Variants in ZFPM2 observed in about 807,000 individuals in gnomAD.
The protein encoded by ZFPM2 is zinc finger protein ZFPM2.
ZFPM2 carries 20 observed loss-of-function variants against 98.6 expected under a neutral mutation model. That is an observed-to-expected ratio of 0.20 (90% CI 0.14 to 0.29). The LOEUF (loss-of-function observed/expected upper bound fraction) is 0.29. ZFPM2 is among the 10% of genes least tolerant of loss of function. ZFPM2 has a pLI of 1.00. For missense variants in ZFPM2, 1,310 were observed against 1,388.6 expected (o/e 0.94, Z 0.90); for synonymous variants, 518 against 502.7 (o/e 1.03, Z -0.41).
intron 1 of ZFPM2, among the ~76,000 whole-genome samples, chr8:105,330,613 C>T (rs71506365): frequency 0.47 from 42,146 of 89,788 alleles, 8,511 homozygotes; most frequent in East Asian, 0.7. Context: ...TATATATACA[C>T]ATATATATAT....
At chr8:105,640,700 C>G (rs1409890799) in intron 5 of ZFPM2, among the ~76,000 whole-genome samples, 8 of 151,954 alleles carry the variant, frequency 5.3e-5, no homozygotes. Context: ...GAACCATGTT[C>G]CACCTTAAAA....
chr8:105,508,595 T>C (rs572032793), intron 3 of ZFPM2, among the ~76,000 whole-genome samples: 22 of 152,224 alleles, frequency 1.4e-4, no homozygotes, highest in African/African-American at 5.1e-4. Flanking sequence ...GGTAATCCTA[T>C]ACACAGGCTG....
intron 3 of ZFPM2, among the ~76,000 whole-genome samples, chr8:105,528,371 A>C (rs913377957): frequency 8.5e-5 from 13 of 152,098 alleles, no homozygotes; most frequent in Admixed American, 5.9e-4. Flanking sequence ...GCCGTAAGGA[A>C]GTTGAATTTG....
chr8:105,625,589 T>TG, intron 4 of ZFPM2, among the ~76,000 whole-genome samples: 1 of 151,934 alleles, frequency 6.6e-6, no homozygotes, highest in South Asian at 2.1e-4. Context: ...AACCTATTTT[T>TG]TTTTTTTTCA....
intron 1 of ZFPM2, among the ~76,000 whole-genome samples, chr8:105,324,791 A>G (rs1218194956): frequency 2.0e-5 from 3 of 151,998 alleles, no homozygotes; most frequent in Non-Finnish European, 4.4e-5. Context: ...ACCTTCCCAG[A>G]TGAACTTTCC....
At chr8:105,356,033 T>C (rs1014426032) in intron 1 of ZFPM2, among the ~76,000 whole-genome samples, 1 of 152,236 alleles carries the variant, frequency 6.6e-6, no homozygotes, top group African/African-American at 2.4e-5. Flanking sequence ...GATTACTTCT[T>C]TTTGAACTAT....
At position 105,399,861 on chromosome 8, in the gene ZFPM2, G is replaced by A. The variant is rs1273386327; in HGVS notation, c.41-19283G>A. On this transcript the variant is annotated intron_variant, in intron 1 of 7. Transcript: ENST00000407775. ...GCTCACCGCAACCTGTGCCTCCTGG[G>A]TTCAAGTAATTCTCTTGCCTCAGCC... Among the ~76,000 whole-genome samples, 3 of 152,084 alleles carry A rather than the reference G, an allele frequency of 2.0e-5. No individual in the cohort carries two copies. In the East Asian group the frequency reaches 5.8e-4, roughly 29 times the overall value.
chr8:105,363,668 T>G (rs1366420791), intron 1 of ZFPM2, among the ~76,000 whole-genome samples: 4 of 152,142 alleles, frequency 2.6e-5, no homozygotes, highest in African/African-American at 9.7e-5. Context: ...GGCCATGTGC[T>G]GACACACTGT....
chr8:105,660,651 T>A (rs1817370806), intron 5 of ZFPM2, among the ~76,000 whole-genome samples: 2 of 152,198 alleles, frequency 1.3e-5, no homozygotes, highest in Admixed American at 1.3e-4. Context: ...AAACATGCTC[T>A]TCTTTAATAA....
At chr8:105,595,317 A>T (rs13282906) in intron 4 of ZFPM2, among the ~76,000 whole-genome samples, 34,505 of 151,986 alleles carry the variant, frequency 0.23, 4,275 homozygotes, top group South Asian at 0.35. Context: ...TATTTTAATA[A>T]GCCAGTGTGT....
intron 3 of ZFPM2, among the ~76,000 whole-genome samples, chr8:105,503,974 T>A (rs1813647344): frequency 6.6e-6 from 1 of 152,130 alleles, no homozygotes. Context: ...ACCCCATGAT[T>A]TCATGAATAA....
At chr8:105,555,920 GAGA>G (rs1271617248) in intron 3 of ZFPM2, among the ~76,000 whole-genome samples, 10 of 152,152 alleles carry the variant, frequency 6.6e-5, no homozygotes, top group Non-Finnish European at 4.4e-5. Context: ...GGAATGGAAG[GAGA>G]AGAAGGCTTT....
intron 5 of ZFPM2, among the ~76,000 whole-genome samples, chr8:105,656,078 A>G (rs752148811): frequency 3.3e-5 from 5 of 152,138 alleles, no homozygotes; most frequent in Non-Finnish European, 7.3e-5. Flanking sequence ...TATACTCATG[A>G]GCTAACATTT....
chr8:105,540,037 TA>T (rs1814542648), intron 3 of ZFPM2, among the ~76,000 whole-genome samples: 1 of 152,166 alleles, frequency 6.6e-6, no homozygotes, highest in Non-Finnish European at 1.5e-5. Flanking sequence ...TGGATTATTA[TA>T]TCCAGATCCT....
chr8:105,346,014 A>T (rs1460136152), intron 1 of ZFPM2, among the ~76,000 whole-genome samples: 4 of 152,132 alleles, frequency 2.6e-5, no homozygotes, highest in African/African-American at 9.7e-5. Flanking sequence ...TATTTGAATG[A>T]TTTTTCTTGA....
At position 105,804,432 on chromosome 8, in the gene ZFPM2, C is replaced by A. The variant is rs1483151476; in HGVS notation, c.*894C>A. 1.3e-5 allele frequency: 2 copies of A among 152,488 alleles called. No individual in the cohort carries two copies. Among genetic ancestry groups the A allele is most frequent in the Non-Finnish European group, 2.9e-5 (2 of 68,014 alleles). 9.4% of individuals were successfully genotyped at this position (152,488 alleles called of 1,614,324 possible). On this transcript the variant is annotated 3_prime_UTR_variant, in exon 8 of 8. Transcript: ENST00000407775. ...TAAATATAAGAGTAGCAATACTGCA[C>A]CTGGTGATCACAAAGATAATGTTCT...
chr8:105,612,233 A>G (rs1435576156), intron 4 of ZFPM2, among the ~76,000 whole-genome samples: 1 of 152,196 alleles, frequency 6.6e-6, no homozygotes, highest in Non-Finnish European at 1.5e-5. Flanking sequence ...GCCATCTTAA[A>G]TAAACTAGAA....
chr8:105,801,132 T>C lies in ZFPM2; in HGVS notation c.1050T>C (p.Phe350=). 1.2e-6 allele frequency: 2 copies of C among 1,613,972 alleles called. No individual in the cohort carries two copies. The part of the protein sequence containing the change: ...CSYTADSVIN[F]HQHLFSHLTQ... ...ACACTGCTGATTCCGTGATCAACTT[T>C]CACCAACACCTGTTCTCCCATCTCA... Residue 350 remains phenylalanine, a synonymous_variant, in exon 8 of 8, where the codon TTT becomes TTC. Coordinates refer to ENST00000407775, the MANE Select transcript of ZFPM2 (RefSeq NM_012082.4).
intron 5 of ZFPM2, chr8:105,787,236 G>T (rs929421966): frequency 1.4e-4 from 22 of 152,174 alleles, no homozygotes; most frequent in African/African-American, 5.3e-4. Context: ...TATTTGAAAA[G>T]AAGTAAATCA....
Sources: gnomAD v4.1 joint callset for allele counts (sites outside exome capture counted in the v4.1 genomes callset) on GRCh38, gnomAD v4.1.1 for gene constraint, MANE v1.5 for transcripts, NCBI Gene and HGNC (gene_info 2026-07-23, HGNC 2026-07-21) for gene names.